Variants in CERS6 observed in about 807,000 individuals in gnomAD.
CERS6 encodes the protein LAG1 homolog, ceramide synthase 6.
In CERS6, 26 loss-of-function variants were observed where a neutral mutation model predicts 56.8. The observed-to-expected ratio is 0.46, with a 90% CI of 0.34 to 0.63. The LOEUF (loss-of-function observed/expected upper bound fraction) is 0.63, where lower values mean the gene tolerates loss of function less well. CERS6 is among the 30% of genes least tolerant of loss of function. The pLI, the probability that CERS6 is intolerant of heterozygous loss-of-function variation, is 0.01. For synonymous variants in CERS6, 164 were observed against 173.3 expected (o/e 0.95, Z 0.42); for missense variants, 415 against 467.5 (o/e 0.89, Z 1.04).
chr2:168,739,957 G>A (rs1418456466), intron 8 of CERS6, among the ~76,000 whole-genome samples: 17 of 152,148 alleles, frequency 1.1e-4, no homozygotes. Context: ...TGACCCATCC[G>A]CCTCGGCCTT....
intron 1 of CERS6, among the ~76,000 whole-genome samples, chr2:168,460,386 G>A (rs566570222): frequency 1.9e-4 from 29 of 151,986 alleles, no homozygotes; most frequent in African/African-American, 6.8e-4. Flanking sequence ...TTGTAGAGAT[G>A]GGGTCTCCCT....
intron 2 of CERS6, among the ~76,000 whole-genome samples, chr2:168,550,573 C>T (rs1181683351): frequency 6.6e-6 from 1 of 152,192 alleles, no homozygotes; most frequent in Non-Finnish European, 1.5e-5. Flanking sequence ...CTGGGGGCCC[C>T]ACCCTGTGAC....
chr2:168,489,664 C>T (rs2105337983), intron 1 of CERS6, among the ~76,000 whole-genome samples: 1 of 152,086 alleles, frequency 6.6e-6, no homozygotes, highest in Admixed American at 6.6e-5. Context: ...TTGACTTGAG[C>T]TATCCCATGA....
At chr2:168,685,502 T>C (rs1006978919) in intron 4 of CERS6, among the ~76,000 whole-genome samples, 1 of 152,176 alleles carries the variant, frequency 6.6e-6, no homozygotes, top group Non-Finnish European at 1.5e-5. Flanking sequence ...GATGGTAAAG[T>C]AAAGTATCAG....
intron 8 of CERS6, among the ~76,000 whole-genome samples, chr2:168,734,479 A>G (rs1683652811): frequency 6.6e-6 from 1 of 152,222 alleles, no homozygotes; most frequent in Admixed American, 6.5e-5. Context: ...TGAACCATTT[A>G]TGCCACTATA....
At chr2:168,526,932 T>A (rs548210629) in intron 1 of CERS6, among the ~76,000 whole-genome samples, 1 of 152,350 alleles carries the variant, frequency 6.6e-6, no homozygotes, top group Admixed American at 6.5e-5. Context: ...ATCCCCAGAT[T>A]GAAGCGTTTG....
At chr2:168,753,294 T>C (rs1684328494) in intron 8 of CERS6, among the ~76,000 whole-genome samples, 1 of 152,208 alleles carries the variant, frequency 6.6e-6, no homozygotes, top group African/African-American at 2.4e-5. Context: ...TCGTATTCTA[T>C]AGCAATGATT....
intron 1 of CERS6, among the ~76,000 whole-genome samples, chr2:168,477,373 A>G (rs1371055502): frequency 1.3e-5 from 2 of 152,160 alleles, no homozygotes; most frequent in African/African-American, 4.8e-5. Flanking sequence ...GTGTCTCTAC[A>G]TTTTATTTAA....
intron 8 of CERS6, among the ~76,000 whole-genome samples, chr2:168,723,800 A>G (rs1292208493): frequency 6.6e-6 from 1 of 152,268 alleles, no homozygotes; most frequent in East Asian, 1.9e-4. Context: ...TAATATGACC[A>G]TCCTAGAAGC....
chr2:168,567,594 C>G (rs1254794339), intron 3 of CERS6, among the ~76,000 whole-genome samples: 2 of 152,186 alleles, frequency 1.3e-5, no homozygotes, highest in African/African-American at 4.8e-5. Context: ...ATGGGCCATA[C>G]AAAAACAGAT....
chr2:168,499,046 G>T lies in CERS6; in HGVS notation c.170+42428G>T, dbSNP rs187479236. Among the ~76,000 whole-genome samples the T allele has an allele frequency of 1.8e-3, 268 of 152,178 alleles. 1 individual carries two copies. Among genetic ancestry groups the T allele is most frequent in the Non-Finnish European group, 3.2e-3 (219 of 68,000 alleles). On this transcript the variant is annotated intron_variant, in intron 1 of 9. Coordinates refer to ENST00000305747, the MANE Select transcript of CERS6 (RefSeq NM_203463.3). ...TTAGGTTTACATTCTCCCCCTTTTG[G>T]CTGAGATTTGTCAGAGGCAACAGTG...
At chr2:168,702,249 GGTATGCAATGGTGTCTGTCTTA>G (rs1686823989) in intron 6 of CERS6, among the ~76,000 whole-genome samples, 2 of 152,128 alleles carry the variant, frequency 1.3e-5, no homozygotes, top group African/African-American at 4.8e-5. Flanking sequence ...ATTGGAAATA[GGTATGCAATGGTGTCTGTCTTA>G]AGAAAAATGC....
At chr2:168,676,703 A>C (rs1376211431) in intron 4 of CERS6, among the ~76,000 whole-genome samples, 1 of 152,224 alleles carries the variant, frequency 6.6e-6, no homozygotes, top group Admixed American at 6.5e-5. Flanking sequence ...AAAAGTGCCT[A>C]GTTCAGCCTG....
rs191606241 is a variant in CERS6, at chr2:168,569,634, A to G, written c.407+8312A>G. Reference sequence around the variant, plus strand: ...TTTCTGGCAGACAAAATCAGATATAAGCAAATATGAAATCCGTGTTAGGCT... The same window carrying G: ...TTTCTGGCAGACAAAATCAGATATAGGCAAATATGAAATCCGTGTTAGGCT... On this transcript the variant is annotated intron_variant, in intron 3 of 9. Transcript: ENST00000305747. 2.0e-5 allele frequency among the ~76,000 whole-genome samples: 3 copies of G among 152,346 alleles called. No homozygotes were observed. In the East Asian group the frequency reaches 5.8e-4, roughly 29 times the overall value.
At chr2:168,650,340 A>G (rs1685312819) in intron 4 of CERS6, among the ~76,000 whole-genome samples, 2 of 152,172 alleles carry the variant, frequency 1.3e-5, no homozygotes, top group Non-Finnish European at 2.9e-5. Context: ...CTGGAGGGAA[A>G]GGTGGCTCCA....
chr2:168,734,685 G>A (rs1683659908), intron 8 of CERS6, among the ~76,000 whole-genome samples: 1 of 152,206 alleles, frequency 6.6e-6, no homozygotes, highest in African/African-American at 2.4e-5. Flanking sequence ...TTGAAGAACA[G>A]TGATGATGAA....
chr2:168,461,198 A>G (rs923883316), intron 1 of CERS6, among the ~76,000 whole-genome samples: 1 of 152,190 alleles, frequency 6.6e-6, no homozygotes, highest in Non-Finnish European at 1.5e-5. Flanking sequence ...GCATACAACC[A>G]TGGTTTTCTC....
At chr2:168,598,578 A>C (rs1481142443) in intron 3 of CERS6, among the ~76,000 whole-genome samples, 2 of 152,206 alleles carry the variant, frequency 1.3e-5, no homozygotes, top group African/African-American at 4.8e-5. Flanking sequence ...TAAATGATTA[A>C]TATGTGGCAA....
At chr2:168,702,162 T>TG (rs150586656) in intron 6 of CERS6, among the ~76,000 whole-genome samples, 2,510 of 152,268 alleles carry the variant, frequency 0.016, 73 homozygotes, top group African/African-American at 0.057. Context: ...CTATGGATAA[T>TG]GGGGGGCCAA....
Sources: allele counts gnomAD v4.1 joint callset (sites outside exome capture counted in the v4.1 genomes callset), GRCh38; gene constraint gnomAD v4.1.1; transcripts MANE v1.5; gene names NCBI Gene and HGNC (gene_info 2026-07-23, HGNC 2026-07-21).